The following UPF1 variants were observed in gnomAD, a reference collection of about 807,000 sequenced individuals.
UPF1 encodes the protein regulator of nonsense transcripts 1.
In UPF1, 9 loss-of-function variants were observed where a neutral mutation model predicts 129.2. The observed-to-expected ratio is 0.07, with a 90% CI of 0.04 to 0.12. The LOEUF (loss-of-function observed/expected upper bound fraction) is 0.12, where lower values mean the gene tolerates loss of function less well. UPF1 is among the 10% of genes least tolerant of loss of function. UPF1 has a pLI of 1.00. For missense variants in UPF1, 788 were observed against 1,525.3 expected (o/e 0.52, Z 8.05); for synonymous variants, 649 against 644.9 (o/e 1.01, Z -0.10).
intron 3 of UPF1, chr19:18,849,182 G>GT (rs1260529608): frequency 2.0e-5 from 3 of 152,534 alleles, no homozygotes; most frequent in African/African-American, 7.2e-5. Flanking sequence ...GCCATGGCTG[G>GT]TTAGAGAATC....
rs186360357 is a variant in UPF1 at position 18,851,664 on chromosome 19, G to A, written c.811-471G>A. 5.9e-5 allele frequency among the ~76,000 whole-genome samples: 9 copies of A among 152,240 alleles called. No individual in the cohort carries two copies. The highest frequency in any genetic ancestry group is 2.1e-4 in the South Asian group (1 of 4,830). On this transcript the variant is annotated intron_variant, in intron 5 of 23. Transcript: ENST00000262803. This position sits in a 1 kb window ranked among gnomAD's most constrained non-coding sequence, Gnocchi z 4.2. ...TGCGGGCCCATGTTGGTCTGGCTCA[G>A]GGTTAGCAGACGTGGGAGACAGGCC... is the stretch of plus-strand genomic sequence containing the variant.
In UPF1 at chr19:18,865,784, C is replaced by T. The variant is rs766985971; in HGVS notation, c.3237+6C>T. On this transcript the variant is annotated splice_donor_region_variant and intron_variant, in intron 22 of 23. Coordinates refer to ENST00000262803, the MANE Select transcript of UPF1 (RefSeq NM_002911.4). This position sits in a 1 kb window ranked among gnomAD's most constrained non-coding sequence, Gnocchi z 6.1. ...CCCAGCCGGAGCTGTCCCAGGTGAG[C>T]CCGCCCCTGGGACGGGACTTACCTG... 6.2e-7 allele frequency: 1 copy of T among 1,612,506 alleles called. No individual in the cohort carries two copies. The highest frequency in any genetic ancestry group is 1.1e-5 in the South Asian group (1 of 91,072).
chr19:18,856,157 G>T (rs1444214687), intron 12 of UPF1, 29 bp from the exon 13 acceptor site: 3 of 1,605,600 alleles, frequency 1.9e-6, no homozygotes, highest in Non-Finnish European at 2.6e-6. Context: ...CAGAACTCAG[G>T]CACCCTGCTG....
intron 2 of UPF1, among the ~76,000 whole-genome samples, chr19:18,846,535 G>A (rs2055602003): frequency 6.6e-6 from 1 of 152,124 alleles, no homozygotes; most frequent in Admixed American, 6.5e-5. Context: ...GCCTCCCGCT[G>A]CCTTGGCCGT....
At position 18,854,891 on chromosome 19, in the gene UPF1, A is replaced by T. The variant is rs200925901; in HGVS notation, c.1278A>T (p.Ala426=). 11 of 1,614,198 alleles carry T rather than the reference A, an allele frequency of 6.8e-6. No homozygotes were observed. The East Asian group carries it at 2.5e-4, about 36-fold the overall frequency. ...KSTSFDRMQS[A]LKTFAVDETS... ...ACCCTCCTCACAGGATGCAGAGCGCATTGAAAACGTTTGCCGTGGATGAGA... is the reference window on the plus strand; with the variant it reads ...ACCCTCCTCACAGGATGCAGAGCGCTTTGAAAACGTTTGCCGTGGATGAGA... Residue 426 remains alanine, a synonymous_variant, in exon 10 of 24, where the codon GCA becomes GCT. Transcript: ENST00000262803.
chr19:18,841,025 G>A (rs560871835), intron 1 of UPF1, among the ~76,000 whole-genome samples: 2 of 152,332 alleles, frequency 1.3e-5, no homozygotes, highest in African/African-American at 4.8e-5. Flanking sequence ...TGGGAGAGGG[G>A]GTTGCAGATC....
At position 18,865,218 on chromosome 19, in the gene UPF1, GGGGT is replaced by G. The variant is rs2055828825; in HGVS notation, c.2858-63_2858-60del. 1.3e-6 allele frequency: 2 copies of G among 1,498,066 alleles called. No individual in the cohort carries two copies. Among genetic ancestry groups the G allele is most frequent in the Admixed American group, 4.1e-5 (2 of 49,190 alleles). 92.8% of individuals were successfully genotyped at this position (1,498,066 alleles called of 1,614,324 possible). A position where few individuals can be genotyped will look rare whatever the true frequency, so the allele number is the denominator to read the frequency against. On this transcript the variant is annotated intron_variant, in intron 20 of 23. Transcript: ENST00000262803. This position sits in a 1 kb window ranked among gnomAD's most constrained non-coding sequence, Gnocchi z 6.1. Reference sequence around the variant, plus strand: ...GTGCAGCTCCGGCTGACTGGCTGGTGGGGTGGGTGGGGTATCGCTGGGGTTTGAC... The same window carrying G: ...GTGCAGCTCCGGCTGACTGGCTGGTGGGGTGGGGTATCGCTGGGGTTTGAC...
At chr19:18,847,173 T>G (rs1302394341) in intron 2 of UPF1, among the ~76,000 whole-genome samples, 1 of 152,274 alleles carries the variant, frequency 6.6e-6, no homozygotes, top group South Asian at 2.1e-4. Context: ...GTGTATGTAA[T>G]TGTGTTCTCT....
At chr19:18,855,338 C>T (rs779373041) in intron 11 of UPF1, 96 bp downstream of exon 11, 165 of 1,369,644 alleles carry the variant, frequency 1.2e-4, no homozygotes, top group Non-Finnish European at 1.5e-4. Context: ...TCTGTCACAC[C>T]GAAGAGAGCA....
At chr19:18,845,878 A>G in intron 1 of UPF1, 102 bp from the exon 2 acceptor site, 14 of 1,460,150 alleles carry the variant, frequency 9.6e-6, no homozygotes, top group East Asian at 2.4e-5. Flanking sequence ...CTCAAAGCAG[A>G]GATGAGGCCA....
Position 18,848,123 on chromosome 19 carries a change from C to G in UPF1, c.461+290C>G, listed in dbSNP as rs763598959. The G allele has an allele frequency of 1.1e-5, 4 of 352,038 alleles. No homozygotes were observed. In the Admixed American group the frequency reaches 1.7e-4, roughly 15 times the overall value. The allele number at this position is 352,038 out of a possible 1,614,324, so 21.8% of individuals were successfully genotyped here. The stretch of plus-strand genomic sequence containing the variant: ...CTGCAAGATGAGCTCTTGGCACACC[C>G]GCTGATCTTCATTAACGGGAGGATG... On this transcript the variant is annotated intron_variant, in intron 3 of 23. Transcript: ENST00000262803.
chr19:18,862,165 C>T lies in UPF1; in HGVS notation c.2600+13C>T. On this transcript the variant is annotated intron_variant, in intron 18 of 23. Coordinates refer to ENST00000262803, the MANE Select transcript of UPF1 (RefSeq NM_002911.4). ...TGACCAGAGCAAGGTAGGGAGGCTG[C>T]CTGCTGCATGCTGCCCAGCCGCTCA... The T allele has an allele frequency of 1.2e-6, 2 of 1,612,058 alleles. No homozygotes were observed. The highest frequency in any genetic ancestry group is 2.2e-5 in the East Asian group (1 of 44,852).
At chr19:18,848,151 C>T in intron 3 of UPF1, 1 of 306,824 alleles carries the variant, frequency 3.3e-6, no homozygotes, top group South Asian at 3.3e-5. Flanking sequence ...GGAGGATGTT[C>T]CCAAGGCAGT....
At chr19:18,856,526 C>T (rs780298470) in intron 13 of UPF1, among the ~76,000 whole-genome samples, 13 of 152,178 alleles carry the variant, frequency 8.5e-5, no homozygotes, top group African/African-American at 1.9e-4. Flanking sequence ...CCACTGGGAT[C>T]CGGCAGTGGA....
rs550009751 is a variant in UPF1 at position 18,865,599 on chromosome 19, C to T, written c.3058C>T (p.Arg1020Cys). The T allele has an allele frequency of 4.3e-6, 7 of 1,613,868 alleles. No individual in the cohort carries two copies. The highest frequency in any genetic ancestry group is 2.2e-5 in the South Asian group (2 of 91,086). ...TPKGKTGRGG[R>C]QKNRFGLPGP... ...GAAAGGCAAGACTGGTCGTGGGGGACGCCAGAAGAACCGCTTTGGGCTTCC... is the reference window on the plus strand; with the variant it reads ...GAAAGGCAAGACTGGTCGTGGGGGATGCCAGAAGAACCGCTTTGGGCTTCC... The change falls in exon 22 of 24, where the codon CGC (arginine) becomes TGC (cysteine). Residue 1020 changes from arginine to cysteine, a missense_variant. Physicochemically the swap from Arg to Cys is radical, Grantham distance 180 (BLOSUM62 -3). Coordinates refer to ENST00000262803, the MANE Select transcript of UPF1 (RefSeq NM_002911.4). This position sits in a 1 kb window ranked among gnomAD's most constrained non-coding sequence, Gnocchi z 6.1.
chr19:18,848,166 G>C, intron 3 of UPF1: 1 of 274,600 alleles, frequency 3.6e-6, no homozygotes, highest in Non-Finnish European at 7.1e-6. Context: ...GGCAGTAACG[G>C]GCATCCAGGG....
intron 3 of UPF1, chr19:18,849,783 T>C (rs960171334): frequency 1.3e-5 from 5 of 396,670 alleles, no homozygotes; most frequent in Middle Eastern, 7.3e-4. Context: ...TGGGTTAAAT[T>C]AGGCCTGATA....
At chr19:18,863,395 G>T (rs1328811327) in intron 18 of UPF1, 43 bp from the exon 19 acceptor site, 8 of 1,596,194 alleles carry the variant, frequency 5.0e-6, no homozygotes, top group Non-Finnish European at 6.9e-6. Flanking sequence ...TGTGAGACGG[G>T]CAGCTCTCCA....
At chr19:18,864,725 T>C (rs998139735) in intron 20 of UPF1, among the ~76,000 whole-genome samples, 2 of 144,252 alleles carry the variant, frequency 1.4e-5, no homozygotes, top group African/African-American at 5.1e-5. Flanking sequence ...CCTGGCCAAT[T>C]TGCAGGTGTT....
Sources: gnomAD v4.1 joint callset for allele counts (sites outside exome capture counted in the v4.1 genomes callset) on GRCh38, gnomAD v4.1.1 for gene constraint, Gnocchi (gnomAD v3.1) non-coding constraint, MANE v1.5 for transcripts, NCBI Gene and HGNC (gene_info 2026-07-23, HGNC 2026-07-21) for gene names.